Variants in SLC12A7 observed in about 807,000 individuals in gnomAD.
SLC12A7 encodes the protein K-Cl cotransporter 4.
SLC12A7 carries 100 observed loss-of-function variants against 120.6 expected under a neutral mutation model. The observed-to-expected ratio is 0.83, with a 90% CI of 0.71 to 0.98. SLC12A7 has a LOEUF of 0.98. Among genes scored for constraint, SLC12A7 ranks in the 50% least tolerant of loss-of-function variants. The probability of loss-of-function intolerance (pLI) is 0.00; values close to 1 mark genes in which losing one functional copy is unlikely to be tolerated. For missense variants in SLC12A7, 1,373 were observed against 1,548.1 expected, an observed-to-expected ratio of 0.89 and a Z score of 1.90; for synonymous variants, 760 against 678.0, an observed-to-expected ratio of 1.12 and a Z score of -1.88.
At chr5:1,153,214 C>G in the SLC12A7 span, among the ~76,000 whole-genome samples, 2 of 152,092 alleles carry the variant, frequency 1.3e-5, no homozygotes, top group Admixed American at 1.3e-4. Context: ...GACGGGCTTG[C>G]CCAGTCCCTG....
chr5:1,081,352 C>T (rs1433413973), intron 9 of SLC12A7, among the ~76,000 whole-genome samples: 1 of 151,810 alleles, frequency 6.6e-6, no homozygotes, highest in Non-Finnish European at 1.5e-5. Context: ...CCGGCTGCCC[C>T]CCTCTACAAA....
chr5:1,099,589 C>T (rs538461127), intron 1 of SLC12A7, among the ~76,000 whole-genome samples: 102 of 152,266 alleles, frequency 6.7e-4, no homozygotes, highest in Non-Finnish European at 6.9e-4. Context: ...CCACAAAACT[C>T]GCCTCCCCTC....
chr5:1,076,334 C>T, intron 13 of SLC12A7, 98 bp from the exon 14 acceptor site: 1 of 972,838 alleles, frequency 1.0e-6, no homozygotes, highest in Non-Finnish European at 1.5e-6. Flanking sequence ...GTCCCTCCCA[C>T]CTGCGCCTTG....
intron 1 of SLC12A7, among the ~76,000 whole-genome samples, chr5:1,108,925 A>C (rs1432785809): frequency 6.6e-6 from 1 of 152,180 alleles, no homozygotes; most frequent in Non-Finnish European, 1.5e-5. Flanking sequence ...CCGCCCCTGG[A>C]CAACCGACAC....
Position 1,111,862 on chromosome 5 carries a change from G to C in SLC12A7, c.124+6C>G. The C allele has an allele frequency of 8.3e-7, 1 of 1,208,512 alleles. No individual in the cohort carries two copies. The highest frequency in any genetic ancestry group is 1.0e-6 in the Non-Finnish European group (1 of 972,666). 74.9% of individuals were successfully genotyped at this position (1,208,512 alleles called of 1,614,324 possible). A position where few individuals can be genotyped will look rare whatever the true frequency, so the allele number is the denominator to read the frequency against. Reference sequence around the variant, plus strand: ...CCTTTGTCCGGCCAGGTGCGGCCGCGCTCACCCGGGCTGGGGCGCTCGGGC... The same window carrying C: ...CCTTTGTCCGGCCAGGTGCGGCCGCCCTCACCCGGGCTGGGGCGCTCGGGC... On this transcript the variant is annotated splice_donor_region_variant and intron_variant, in intron 1 of 23. Coordinates refer to ENST00000264930, the MANE Select transcript of SLC12A7 (RefSeq NM_006598.3).
In SLC12A7 at chr5:1,081,632, G is replaced by A. The variant is rs143498505; in HGVS notation, c.1242C>T (p.Thr414=). The change falls in exon 9 of 24, where the codon ACC becomes ACT. Residue 414 remains threonine (T), a synonymous_variant. Transcript: ENST00000264930. ...SRASALPYVL[T]DIAASFTLLV... Reference sequence around the variant, plus strand: ...GCAGGGTGAAGGAGGCCGCGATGTCGGTGAGCACGTAGGGCAGTGCGCTGG... The same window carrying A: ...GCAGGGTGAAGGAGGCCGCGATGTCAGTGAGCACGTAGGGCAGTGCGCTGG... 7.8e-5 allele frequency: 125 copies of A among 1,612,370 alleles called. No homozygotes were observed. Among genetic ancestry groups the A allele is most frequent in the African/African-American group, 5.6e-4 (42 of 75,050 alleles).
intron 14 of SLC12A7, chr5:1,075,902 C>T (rs929726199): frequency 2.4e-5 from 13 of 538,024 alleles, no homozygotes; most frequent in East Asian, 8.9e-5. Flanking sequence ...TGGGCATCCT[C>T]GTAACCAGAG....
chr5:1,091,767 G>C (rs965125914), intron 3 of SLC12A7, among the ~76,000 whole-genome samples: 1 of 150,102 alleles, frequency 6.7e-6, no homozygotes, highest in Admixed American at 6.6e-5. Context: ...CAGCGTCCAC[G>C]TGCAGAAAGG....
the SLC12A7 span, among the ~76,000 whole-genome samples, chr5:1,124,787 C>T: frequency 3.3e-5 from 5 of 152,112 alleles, no homozygotes; most frequent in Non-Finnish European, 5.9e-5. Flanking sequence ...AGGGAGAAAA[C>T]GGAGTAATAA....
chr5:1,086,858 G>A, intron 6 of SLC12A7, 45 bp downstream of exon 6: 2 of 1,602,260 alleles, frequency 1.2e-6, no homozygotes, highest in Non-Finnish European at 1.7e-6. Context: ...TTGGCATCCT[G>A]CCACAGACTG....
rs777240843 is a variant in SLC12A7 at position 1,074,647 on chromosome 5, G to A, written c.1992C>T (p.Gly664=). 5 of 1,612,782 alleles carry A rather than the reference G, an allele frequency of 3.1e-6. No homozygotes were observed. Among genetic ancestry groups the A allele is most frequent in the African/African-American group, 1.3e-5 (1 of 75,060 alleles). ...YRGAEKEWGD[G]IRGLSLNAAR... is the part of the protein sequence containing the mutation. ...CGGCGTTCAGGGATAGGCCACGGAT[G>A]CCATCGCCCCACTCCTTCTCGGCCC... is the stretch of plus-strand genomic sequence containing the variant. Residue 664 remains glycine, a synonymous_variant, in exon 16 of 24, where the codon GGC becomes GGT. Coordinates refer to ENST00000264930, the MANE Select transcript of SLC12A7 (RefSeq NM_006598.3).
chr5:1,133,395 T>TA, the SLC12A7 span, among the ~76,000 whole-genome samples: 4 of 152,068 alleles, frequency 2.6e-5, no homozygotes, highest in African/African-American at 7.2e-5. Context: ...AGTGGAGGAT[T>TA]TTCAAATGCA....
At chr5:1,057,671 G>A in intron 21 of SLC12A7, 22 bp from the exon 22 acceptor site, 3 of 1,577,394 alleles carry the variant, frequency 1.9e-6, no homozygotes, top group Non-Finnish European at 2.6e-6. Context: ...GGGACTTGGT[G>A]AGACCAGCCG....
At position 1,056,527 on chromosome 5, in the gene SLC12A7, G is replaced by C. The variant is rs193301037; in HGVS notation, c.3026+944C>G. 274 of 931,280 alleles carry C rather than the reference G, an allele frequency of 2.9e-4. No homozygotes were observed. In the African/African-American group the frequency reaches 4.7e-3, roughly 16 times the overall value. The allele number at this position is 931,280 out of a possible 1,614,324, so 57.7% of individuals were successfully genotyped here. The stretch of plus-strand genomic sequence containing the variant: ...GACACACGCAGGCCACACACACACA[G>C]GCATGCAGGGCAACCGGGCCCGGAA... On this transcript the variant is annotated intron_variant, in intron 22 of 23. Coordinates refer to ENST00000264930, the MANE Select transcript of SLC12A7 (RefSeq NM_006598.3).
At chr5:1,081,930 G>A (rs1011263624) in intron 8 of SLC12A7, among the ~76,000 whole-genome samples, 186 bp from the exon 9 acceptor site, 23 of 152,270 alleles carry the variant, frequency 1.5e-4, no homozygotes, top group African/African-American at 4.8e-4. Context: ...CTGCCTGTCT[G>A]CGTCTACGGA....
the SLC12A7 span, among the ~76,000 whole-genome samples, chr5:1,144,722 T>G: frequency 2.0e-5 from 3 of 152,114 alleles, no homozygotes; most frequent in South Asian, 6.2e-4. Flanking sequence ...CAGGCTGCAG[T>G]GGGGACATGT....
Position 1,083,835 on chromosome 5 carries a change from G to A in SLC12A7, c.1039C>T (p.Gln347Ter), listed in dbSNP as rs747689315. 5.0e-6 allele frequency: 8 copies of A among 1,608,698 alleles called. No homozygotes were observed. The South Asian group carries it at 5.5e-5, about 11-fold the overall frequency. The part of the protein sequence containing the change: ...ALWGLFCNGS[Q>*]PSAACDEYFI... ...TACTCGTCACAGGCGGCGCTGGGCTGGGAGCCGTTGCAGAAGAGGCCCCAG... is the reference window on the plus strand; with the variant it reads ...TACTCGTCACAGGCGGCGCTGGGCTAGGAGCCGTTGCAGAAGAGGCCCCAG... Residue 347 changes from glutamine to a stop codon, truncating the protein, a stop_gained, in exon 8 of 24, where the codon CAG becomes TAG. Coordinates refer to ENST00000264930, the MANE Select transcript of SLC12A7 (RefSeq NM_006598.3). LOFTEE classifies it high-confidence loss of function.
intron 5 of SLC12A7, among the ~76,000 whole-genome samples, chr5:1,087,572 C>T (rs1740008057): frequency 6.6e-6 from 1 of 152,246 alleles, no homozygotes. Context: ...GAAGCAGAGA[C>T]TGGTCCCTTG....
At chr5:1,101,858 C>T (rs541742615) in intron 1 of SLC12A7, among the ~76,000 whole-genome samples, 1 of 151,872 alleles carries the variant, frequency 6.6e-6, no homozygotes, top group South Asian at 2.1e-4. Flanking sequence ...GCTGCAGCCG[C>T]CTGGGCAAGA....
Sources: allele counts gnomAD v4.1 joint callset (sites outside exome capture counted in the v4.1 genomes callset), GRCh38; gene constraint gnomAD v4.1.1; transcripts MANE v1.5; gene names NCBI Gene and HGNC (gene_info 2026-07-23, HGNC 2026-07-21).